Variants in SOX6 observed in about 807,000 individuals in gnomAD.
SOX6 encodes the protein transcription factor SOX-6.
Under a neutral mutation model 97.8 loss-of-function variants are expected in SOX6, and 11 were observed. The ratio of observed to expected loss-of-function variants is 0.11; its 90% CI spans 0.07 to 0.19. The LOEUF (loss-of-function observed/expected upper bound fraction) is 0.19. SOX6 is among the 10% of genes least tolerant of loss of function. The pLI is 1.00. For missense variants in SOX6, 810 were observed against 1,039.5 expected, an observed-to-expected ratio of 0.78 and a Z score of 3.04; for synonymous variants, 360 against 371.4, an observed-to-expected ratio of 0.97 and a Z score of 0.35.
chr11:16,431,255 C>T (rs765824640), intron 1 of SOX6, among the ~76,000 whole-genome samples: 1 of 152,052 alleles, frequency 6.6e-6, no homozygotes, highest in Non-Finnish European at 1.5e-5. Context: ...ATTTTACTTG[C>T]TTATTTGTTG....
chr11:16,636,830 T>A (rs557084937), intron 3 of SOX6, among the ~76,000 whole-genome samples: 1 of 152,314 alleles, frequency 6.6e-6, no homozygotes, highest in South Asian at 2.1e-4. Context: ...ACATCCTTGC[T>A]GCTGCCATGT....
intron 6 of SOX6, among the ~76,000 whole-genome samples, chr11:16,134,484 G>A (rs1163544718): frequency 2.6e-5 from 4 of 152,200 alleles, no homozygotes; most frequent in African/African-American, 9.7e-5. Flanking sequence ...GCACTTCACA[G>A]GTAATGTGTT....
intron 9 of SOX6, among the ~76,000 whole-genome samples, chr11:16,095,217 A>G (rs779681798): frequency 6.6e-6 from 1 of 151,912 alleles, no homozygotes; most frequent in African/African-American, 2.4e-5. Context: ...GATAGCTGGA[A>G]ATTCTCCAAT....
At chr11:16,648,955 C>T (rs1849053184) in intron 3 of SOX6, among the ~76,000 whole-genome samples, 1 of 151,874 alleles carries the variant, frequency 6.6e-6, no homozygotes, top group African/African-American at 2.4e-5. Context: ...GAAAGACACA[C>T]TTAGAGAAAT....
chr11:16,329,859 C>A (rs1856230197), intron 2 of SOX6, among the ~76,000 whole-genome samples: 1 of 152,110 alleles, frequency 6.6e-6, no homozygotes, highest in South Asian at 2.1e-4. Flanking sequence ...GTCCAAAATT[C>A]TTCTTTACAG....
chr11:16,072,410 G>A (rs1334598060), intron 9 of SOX6, among the ~76,000 whole-genome samples: 44 of 151,982 alleles, frequency 2.9e-4, no homozygotes, highest in Non-Finnish European at 1.2e-4. Context: ...AAATAATAAA[G>A]AAGAATGAAT....
At chr11:16,132,891 G>A (rs1005764314) in intron 6 of SOX6, among the ~76,000 whole-genome samples, 24 of 152,052 alleles carry the variant, frequency 1.6e-4, no homozygotes, top group Non-Finnish European at 2.9e-4. Flanking sequence ...GCATACAGAT[G>A]AACAAAGCAA....
chr11:16,394,884 G>A (rs796318417), intron 1 of SOX6, among the ~76,000 whole-genome samples: 10 of 151,672 alleles, frequency 6.6e-5, no homozygotes, highest in South Asian at 2.1e-4. Flanking sequence ...TCCCCAAAGC[G>A]AGGACACAAA....
chr11:16,644,786 T>C (rs1029210873), intron 3 of SOX6, among the ~76,000 whole-genome samples: 18 of 152,210 alleles, frequency 1.2e-4, no homozygotes, highest in Admixed American at 6.5e-5. Flanking sequence ...TTGTTAATTG[T>C]ATTGTTCAAA....
chr11:16,025,556 C>T (rs1855194577), intron 12 of SOX6, among the ~76,000 whole-genome samples: 1 of 152,150 alleles, frequency 6.6e-6, no homozygotes, highest in African/African-American at 2.4e-5. Flanking sequence ...CTAAGTGCCT[C>T]ATCTGAGGTA....
chr11:16,275,275 A>T (rs1477811023), intron 3 of SOX6, among the ~76,000 whole-genome samples: 3 of 125,544 alleles, frequency 2.4e-5, no homozygotes, highest in African/African-American at 8.5e-5. Context: ...CTTCATCTCT[A>T]CCAAAAATAC....
intron 4 of SOX6, among the ~76,000 whole-genome samples, chr11:16,576,421 C>A (rs1847985049): frequency 6.6e-6 from 1 of 152,044 alleles, no homozygotes; most frequent in Non-Finnish European, 1.5e-5. Flanking sequence ...TAAGCAATAG[C>A]CCACATGATA....
At chr11:16,445,145 T>C (rs1022547756) in intron 1 of SOX6, among the ~76,000 whole-genome samples, 3 of 152,198 alleles carry the variant, frequency 2.0e-5, no homozygotes, top group Admixed American at 1.3e-4. Context: ...TAGAATACTT[T>C]TCTAAAAATG....
chr11:16,547,169 G>C (rs930644285), intron 4 of SOX6, among the ~76,000 whole-genome samples: 1 of 152,122 alleles, frequency 6.6e-6, no homozygotes, highest in Non-Finnish European at 1.5e-5. Flanking sequence ...TAGTGGGAAT[G>C]TAAATTAGTA....
In SOX6 at chr11:16,274,792, A is replaced by T. The variant is rs569897626; in HGVS notation, c.446-40121T>A. On this transcript the variant is annotated intron_variant, in intron 3 of 15. Coordinates refer to ENST00000683767, the MANE Select transcript of SOX6 (RefSeq NM_001367873.1). ...GTATTTTCAGACAGCTAACCCAAAG[A>T]CAATACGTGAAATCTCAACTAAGAG... Among the ~76,000 whole-genome samples, 4 of 152,182 alleles carry T rather than the reference A, an allele frequency of 2.6e-5. No homozygotes were observed. In the South Asian group the frequency reaches 6.2e-4, roughly 24 times the overall value.
intron 3 of SOX6, among the ~76,000 whole-genome samples, chr11:16,643,756 G>A (rs755661813): frequency 2.6e-4 from 40 of 152,328 alleles, no homozygotes; most frequent in Admixed American, 6.5e-4. Flanking sequence ...TGCTAAGACC[G>A]TTGGAAAAGA....
At chr11:16,289,771 T>C (rs1854856119) in intron 3 of SOX6, among the ~76,000 whole-genome samples, 1 of 151,936 alleles carries the variant, frequency 6.6e-6, no homozygotes, top group African/African-American at 2.4e-5. Flanking sequence ...AAGCAGAAGT[T>C]GATTGGCCCA....
At position 16,522,981 on chromosome 11, in the gene SOX6, C is replaced by G. The variant is rs1388220833; in HGVS notation, n.610-46593G>C. Among the ~76,000 whole-genome samples, 4 of 152,292 alleles carry G rather than the reference C, an allele frequency of 2.6e-5. No homozygotes were observed. In the East Asian group the frequency reaches 7.7e-4, roughly 29 times the overall value. The stretch of plus-strand genomic sequence containing the variant: ...TACAGGAGCACCCAGATTCATAAAG[C>G]AAGTCCTTAGAGACCTACAAAGAGA... On this transcript the variant is annotated intron_variant and non_coding_transcript_variant, in intron 4 of 5. Transcript: ENST00000524520.
intron 3 of SOX6, among the ~76,000 whole-genome samples, chr11:16,287,740 T>C (rs1379907016): frequency 6.6e-6 from 1 of 152,056 alleles, no homozygotes; most frequent in Non-Finnish European, 1.5e-5. Flanking sequence ...TAGAGTATTA[T>C]TAACTTAACA....
Sources: allele counts gnomAD v4.1 joint callset (sites outside exome capture counted in the v4.1 genomes callset), GRCh38; gene constraint gnomAD v4.1.1; transcripts MANE v1.5; gene names NCBI Gene and HGNC (gene_info 2026-07-23, HGNC 2026-07-21).